The following IGFN1 variants were observed in gnomAD, a reference collection of about 807,000 sequenced individuals.
IGFN1 encodes immunoglobulin-like and fibronectin type III domain-containing protein 1.
In IGFN1, 253 loss-of-function variants were observed where a neutral mutation model predicts 289.5. The observed-to-expected ratio is 0.87, with a 90% CI of 0.79 to 0.97. The LOEUF is 0.97. Ranked by LOEUF, IGFN1 falls within the 50% of genes least tolerant of loss-of-function variation. The pLI is 0.00. For synonymous variants in IGFN1, 1,706 were observed against 1,788.5 expected (o/e 0.95, Z 1.16); for missense variants, 4,470 against 4,686.1 (o/e 0.95, Z 1.35).
chr1:201,192,158 T>C (rs898085084), intron 1 of IGFN1, among the ~76,000 whole-genome samples: 7 of 151,940 alleles, frequency 4.6e-5, no homozygotes, highest in Non-Finnish European at 8.8e-5. Flanking sequence ...TCCAGCACGC[T>C]AGGGTGCAGC....
chr1:201,202,474 C>T (rs1452983384), intron 9 of IGFN1, among the ~76,000 whole-genome samples: 9 of 152,076 alleles, frequency 5.9e-5, no homozygotes, highest in African/African-American at 1.9e-4. Context: ...TCCCTCAGTT[C>T]CTGGCCCACT....
chr1:201,198,666 A>G (rs913767435), intron 5 of IGFN1, among the ~76,000 whole-genome samples: 4 of 151,724 alleles, frequency 2.6e-5, no homozygotes, highest in African/African-American at 4.8e-5. Context: ...GGCTCAAGCT[A>G]TCCTCCCCCC....
Position 201,216,712 on chromosome 1 carries a change from G to A in IGFN1, c.9554G>A (p.Gly3185Asp), listed in dbSNP as rs139844021. 1.7e-5 allele frequency: 27 copies of A among 1,613,418 alleles called. No individual in the cohort carries two copies. In the African/African-American group the frequency reaches 3.5e-4, roughly 21 times the overall value. The change falls in exon 16 of 24, where the codon GGC becomes GAC. Residue 3185 changes from glycine (G) to aspartate (D), a missense_variant. Around this residue, in one of 8 missense-constraint regions of IGFN1, gnomAD observed 2,218 missense variants for 2,114.1 expected, o/e 1.05. Coordinates refer to ENST00000335211, the MANE Select transcript of IGFN1 (RefSeq NM_001164586.2). ...RVRAVTSEGA[G>D]EALESEEILV... ...CGGGCTGTGACCTCAGAGGGGGCTG[G>A]CGAGGCCCTGGAGTCTGAGGAGATA...
chr1:201,215,580 G>A lies in IGFN1; in HGVS notation c.9037G>A (p.Glu3013Lys). ...IAPDVTEKLR[E>K]PLVVKAGKPV... ...TCCAGATGTGACAGAGAAACTGAGA[G>A]AGCCACTGGTGGTCAAGGCTGGGAA... Residue 3013 changes from glutamate (E) to lysine (K), a missense_variant, in exon 15 of 24, where the codon GAG (glutamate) becomes AAG (lysine). Glu to Lys is a moderately conservative substitution (Grantham distance 56, BLOSUM62 1). This residue lies in a region of IGFN1 where 2,218 missense variants were observed against 2,114.1 expected (regional missense o/e 1.05). Coordinates refer to ENST00000335211, the MANE Select transcript of IGFN1 (RefSeq NM_001164586.2). The A allele has an allele frequency of 6.2e-7, 1 of 1,606,820 alleles. No homozygotes were observed. The highest frequency in any genetic ancestry group is 8.5e-7 in the Non-Finnish European group (1 of 1,176,822).
rs145852390 is a variant in IGFN1, at chr1:201,225,881, C to T, written c.10544C>T (p.Thr3515Met). The T allele has an allele frequency of 2.3e-5, 37 of 1,612,788 alleles. 1 individual carries two copies. Among genetic ancestry groups the T allele is most frequent in the South Asian group, 9.9e-5 (9 of 90,950 alleles). ...HLQENVPGTV[T>M]AEWEPSPDEA... ...CAGGAGAACGTGCCTGGGACGGTGA[C>T]GGCCGAGTGGGAACCCTCTCCTGAC... The change falls in exon 22 of 24, where the codon ACG becomes ATG. Residue 3515 changes from threonine to methionine, a missense_variant. This residue lies in a region of IGFN1 where 2,218 missense variants were observed against 2,114.1 expected (regional missense o/e 1.05). Coordinates refer to ENST00000335211, the MANE Select transcript of IGFN1 (RefSeq NM_001164586.2).
chr1:201,207,021 GGCTA>G lies in IGFN1; in HGVS notation c.2129_2132del (p.Gly710AlafsTer8). 6.5e-7 allele frequency: 1 copy of G among 1,536,784 alleles called. No homozygotes were observed. The highest frequency in any genetic ancestry group is 8.7e-7 in the Non-Finnish European group (1 of 1,146,766). On this transcript the variant is annotated frameshift_variant, in exon 12 of 24. Transcript: ENST00000335211. LOFTEE classifies it high-confidence loss of function. ...AGATGCTGACTATGGGGAAGCCAGGGGCTACTGGGGGTCAGGAGAGTTGCTAGAA... is the reference window on the plus strand; with the variant it reads ...AGATGCTGACTATGGGGAAGCCAGGGCTGGGGGTCAGGAGAGTTGCTAGAA...
At chr1:201,218,693 G>A in intron 18 of IGFN1, 35 bp downstream of exon 18, 1 of 1,585,934 alleles carries the variant, frequency 6.3e-7, no homozygotes, top group Non-Finnish European at 8.5e-7. Context: ...GGGGGTGGAG[G>A]TGAGCATGGG....
Position 201,208,519 on chromosome 1 carries a change from G to A in IGFN1, c.3626G>A (p.Gly1209Asp). ...ASGSQWAYGA[G>D]NVLGYEDGSE... ...GGGAGCCAGTGGGCTTATGGGGCTG[G>A]CAATGTGCTGGGTTATGAGGATGGA... The change falls in exon 12 of 24, where the codon GGC becomes GAC. Residue 1209 changes from glycine to aspartate, a missense_variant. Gly to Asp is a moderately conservative substitution (Grantham distance 94, BLOSUM62 -1). Transcript: ENST00000335211. 1 of 1,453,128 alleles carries A rather than the reference G, an allele frequency of 6.9e-7. No homozygotes were observed. The highest frequency in any genetic ancestry group is 9.0e-7 in the Non-Finnish European group (1 of 1,111,006). The allele number at this position is 1,453,128 out of a possible 1,614,324, so 90.0% of individuals were successfully genotyped here.
At position 201,207,156 on chromosome 1, in the gene IGFN1, G is replaced by A; in HGVS notation, c.2263G>A (p.Glu755Lys). The part of the protein sequence containing the change: ...PEIKAEDSLQ[E>K]ADGICRGESV... ...GATCAAAGCTGAAGACTCACTGCAG[G>A]AGGCAGATGGTATATGCCGGGGGGA... Residue 755 changes from glutamate (E) to lysine (K), a missense_variant, in exon 12 of 24, where the codon GAG becomes AAG. Transcript: ENST00000335211. The A allele has an allele frequency of 1.3e-6, 2 of 1,537,006 alleles. No individual in the cohort carries two copies. Among genetic ancestry groups the A allele is most frequent in the Non-Finnish European group, 1.7e-6 (2 of 1,146,858 alleles).
chr1:201,208,568 A>T lies in IGFN1; in HGVS notation c.3675A>T (p.Gly1225=). The change falls in exon 12 of 24, where the codon GGA becomes GGT. Residue 1225 remains glycine, a synonymous_variant. Transcript: ENST00000335211. The part of the protein sequence containing the change: ...EDGSELPGPQ[G]TGVRTAYGER... ...GATCAGAACTTCCAGGGCCTCAGGG[A>T]ACTGGGGTCAGAACAGCCTATGGAG... 2 of 1,471,992 alleles carry T rather than the reference A, an allele frequency of 1.4e-6. No individual in the cohort carries two copies. The highest frequency in any genetic ancestry group is 3.5e-4 in the Middle Eastern group (2 of 5,662). 91.2% of individuals were successfully genotyped at this position (1,471,992 alleles called of 1,614,324 possible).
chr1:201,216,617 G>C lies in IGFN1; in HGVS notation c.9459G>C (p.Glu3153Asp), dbSNP rs750467908. 6.2e-7 allele frequency: 1 copy of C among 1,613,794 alleles called. No homozygotes were observed. The highest frequency in any genetic ancestry group is 1.3e-5 in the African/African-American group (1 of 74,924). The change falls in exon 16 of 24, where the codon GAG becomes GAC. Residue 3153 changes from glutamate to aspartate, a missense_variant. This residue lies in a region of IGFN1 where 2,218 missense variants were observed against 2,114.1 expected (regional missense o/e 1.05). Transcript: ENST00000335211. ...AGRSTWLKVG[E>D]APADSTTFTD... ...GGAGCACTTGGCTGAAGGTGGGCGAGGCCCCCGCTGACAGCACCACCTTCA... is the reference window on the plus strand; with the variant it reads ...GGAGCACTTGGCTGAAGGTGGGCGACGCCCCCGCTGACAGCACCACCTTCA...
Position 201,224,570 on chromosome 1 carries a change from T to A in IGFN1, c.10291-109T>A, listed in dbSNP as rs1462769482. On this transcript the variant is annotated intron_variant, in intron 20 of 23. Transcript: ENST00000335211. ...TGTGTTTTCTGGTCGACTTTCTCCT[T>A]GTAGAAGACTCTTCTCACCGCTTCT... The A allele has an allele frequency of 4.8e-6, 4 of 830,070 alleles. No homozygotes were observed. In the African/African-American group the frequency reaches 6.9e-5, roughly 14 times the overall value. The allele number at this position is 830,070 out of a possible 1,614,324, so 51.4% of individuals were successfully genotyped here.
At position 201,211,650 on chromosome 1, in the gene IGFN1, G is replaced by T; in HGVS notation, c.6757G>T (p.Asp2253Tyr). The T allele has an allele frequency of 6.5e-7, 1 of 1,537,020 alleles. No individual in the cohort carries two copies. The highest frequency in any genetic ancestry group is 8.7e-7 in the Non-Finnish European group (1 of 1,146,808). The change falls in exon 12 of 24, where the codon GAT becomes TAT. Residue 2253 changes from aspartate to tyrosine, a missense_variant. By Grantham distance (160) the Asp-to-Tyr change is radical (BLOSUM62 -3). Around this residue, in one of 8 missense-constraint regions of IGFN1, gnomAD observed 2,218 missense variants for 2,114.1 expected, o/e 1.05. Transcript: ENST00000335211. ...GSMDEADYRKDLGAPEEMGSG... is the reference protein window; with the variant it reads ...GSMDEADYRKYLGAPEEMGSG... ...AATGGATGAGGCAGATTATAGGAAG[G>T]ATTTGGGAGCTCCTGAGGAAATGGG...
chr1:201,226,272 C>T, intron 22 of IGFN1, 149 bp downstream of exon 22: 2 of 917,870 alleles, frequency 2.2e-6, no homozygotes, highest in Non-Finnish European at 3.1e-6. Context: ...CAGCCCCGAG[C>T]TGCTGCTCCT....
At chr1:201,202,973 C>T (rs1667231591) in intron 9 of IGFN1, among the ~76,000 whole-genome samples, 2 of 152,096 alleles carry the variant, frequency 1.3e-5, no homozygotes, top group Non-Finnish European at 2.9e-5. Flanking sequence ...GCCAGCTGGT[C>T]TTGAACTCTT....
chr1:201,223,752 G>T (rs1242718453), intron 20 of IGFN1, among the ~76,000 whole-genome samples: 1 of 152,076 alleles, frequency 6.6e-6, no homozygotes, highest in Non-Finnish European at 1.5e-5. Flanking sequence ...TACCTCAAAG[G>T]TCTGAGGGTT....
intron 1 of IGFN1, among the ~76,000 whole-genome samples, chr1:201,191,847 G>A (rs993456893): frequency 1.3e-5 from 2 of 152,196 alleles, no homozygotes; most frequent in Non-Finnish European, 2.9e-5. Flanking sequence ...GTAACAGGAT[G>A]ATAGCTGCTC....
In IGFN1 at chr1:201,215,825, TC is replaced by T. The variant is rs536144714; in HGVS notation, c.9283del (p.Leu3095CysfsTer4). 152 of 1,599,714 alleles carry T rather than the reference TC, an allele frequency of 9.5e-5. No individual in the cohort carries two copies. In the South Asian group the frequency reaches 1.7e-3, roughly 18 times the overall value. The part of the protein sequence containing the change: ...EGGSVQAELT[L>X]QVIDKPDPPQ... ...GAGGCTCTGTGCAGGCCGAGCTCAC[TC>T]TGCAAGTCATAGGTACCAGCCCTGT... is the stretch of plus-strand genomic sequence containing the variant. On this transcript the variant is annotated frameshift_variant, in exon 15 of 24. Coordinates refer to ENST00000335211, the MANE Select transcript of IGFN1 (RefSeq NM_001164586.2). LOFTEE classifies it high-confidence loss of function.
chr1:201,213,699 C>G (rs569431950), intron 12 of IGFN1, 78 bp downstream of exon 12: 1 of 1,223,540 alleles, frequency 8.2e-7, no homozygotes, highest in African/African-American at 1.5e-5. Context: ...ATGCTTGGGT[C>G]TGTCCCAGTT....
Sources: allele counts gnomAD v4.1 joint callset (sites outside exome capture counted in the v4.1 genomes callset), GRCh38; gene constraint gnomAD v4.1.1; regional missense constraint gnomAD v4.1.1; transcripts MANE v1.5; gene names NCBI Gene and HGNC (gene_info 2026-07-23, HGNC 2026-07-21).